The following HUNK variants were observed in gnomAD, a reference collection of about 807,000 sequenced individuals.
HUNK encodes the protein hormonally up-regulated Neu-associated kinase.
Under a neutral mutation model 61.0 loss-of-function variants are expected in HUNK, and 21 were observed. That is an observed-to-expected ratio of 0.34 (90% CI 0.24 to 0.50). The LOEUF (loss-of-function observed/expected upper bound fraction) is 0.50. Among genes scored for constraint, HUNK ranks in the 20% least tolerant of loss-of-function variants. HUNK has a pLI of 0.98. For missense variants in HUNK, 772 were observed against 945.7 expected (o/e 0.82, Z 2.41); for synonymous variants, 371 against 386.1 (o/e 0.96, Z 0.46).
chr21:31,972,580 C>T (rs1041478850), intron 6 of HUNK, among the ~76,000 whole-genome samples: 2 of 152,192 alleles, frequency 1.3e-5, no homozygotes, highest in African/African-American at 2.4e-5. Context: ...CCCATACCCT[C>T]GGCGGGTGCA....
chr21:31,910,423 T>A (rs2052537969), intron 1 of HUNK, among the ~76,000 whole-genome samples: 1 of 152,066 alleles, frequency 6.6e-6, no homozygotes, highest in South Asian at 2.1e-4. Context: ...CTTATTTCCC[T>A]GTTTAAAGGC....
rs397776522 is a variant in HUNK at position 31,999,884 on chromosome 21, T to TA, written c.*703dup. On this transcript the variant is annotated 3_prime_UTR_variant, in exon 11 of 11. Coordinates refer to ENST00000270112, the MANE Select transcript of HUNK (RefSeq NM_014586.2). ...AATTATCTTTTCCAAAGATTTTTTTTAAATGTGATGTCGGTAAATTGAAAT... is the reference window on the plus strand; with the variant it reads ...AATTATCTTTTCCAAAGATTTTTTTTAAAATGTGATGTCGGTAAATTGAAAT... The TA allele has an allele frequency of 6.4e-4, 205 of 319,054 alleles. No homozygotes were observed. The highest frequency in any genetic ancestry group is 4.2e-3 in the African/African-American group (197 of 47,080). 19.8% of individuals were successfully genotyped at this position (319,054 alleles called of 1,614,324 possible). A position where few individuals can be genotyped will look rare whatever the true frequency, so the allele number is the denominator to read the frequency against.
chr21:31,991,642 C>A (rs1417020683), intron 9 of HUNK, among the ~76,000 whole-genome samples: 1 of 152,214 alleles, frequency 6.6e-6, no homozygotes, highest in Non-Finnish European at 1.5e-5. Context: ...CTGGGCCATC[C>A]CAGGTGGCAG....
Position 31,995,779 on chromosome 21 carries a change from C to A in HUNK, c.1317C>A (p.Pro439=), listed in dbSNP as rs564859765. Residue 439 remains proline, a synonymous_variant, in exon 10 of 11, where the codon CCC becomes CCA. Transcript: ENST00000270112. ...CTTCTGATTTGTAGGATAAAAAGCCCAAAGAACAAGAAAAAAGAGGGGATT... is the reference window on the plus strand; with the variant it reads ...CTTCTGATTTGTAGGATAAAAAGCCAAAAGAACAAGAAAAAAGAGGGGATT... ...LEFHAVQDKK[P]KEQEKRGDFL... 6.2e-7 allele frequency: 1 copy of A among 1,613,726 alleles called. No individual in the cohort carries two copies. Among genetic ancestry groups the A allele is most frequent in the African/African-American group, 1.3e-5 (1 of 74,980 alleles).
intron 1 of HUNK, among the ~76,000 whole-genome samples, chr21:31,897,501 T>A (rs2052433259): frequency 6.6e-6 from 1 of 152,156 alleles, no homozygotes; most frequent in Admixed American, 6.5e-5. Context: ...CTTGTTCAAA[T>A]TTTCCATTTA....
In HUNK at chr21:31,894,912, C is replaced by G. The variant is rs553415525; in HGVS notation, c.261+20977C>G. Among the ~76,000 whole-genome samples the G allele has an allele frequency of 2.0e-5, 3 of 152,226 alleles. No homozygotes were observed. The South Asian group carries it at 6.2e-4, about 32-fold the overall frequency. Reference sequence around the variant, plus strand: ...ACAGGCTCAACAATCTGATCTGCACCCAGTAGTTAGAGCTAAGCTGTGAAT... The same window carrying G: ...ACAGGCTCAACAATCTGATCTGCACGCAGTAGTTAGAGCTAAGCTGTGAAT... On this transcript the variant is annotated intron_variant, in intron 1 of 10. Coordinates refer to ENST00000270112, the MANE Select transcript of HUNK (RefSeq NM_014586.2).
chr21:31,892,162 A>AAAT lies in HUNK; in HGVS notation c.261+18228_261+18229insATA, dbSNP rs1479271300. On this transcript the variant is annotated intron_variant, in intron 1 of 10. Coordinates refer to ENST00000270112, the MANE Select transcript of HUNK (RefSeq NM_014586.2). ...GAGAATTTGGTTAAAAAAAAAAAAA[A>AAAT]ATATATATATATATATATAGAGAGA... 2.8e-3 allele frequency among the ~76,000 whole-genome samples: 314 copies of AAAT among 113,996 alleles called. 2 individuals are homozygous for AAAT. Among genetic ancestry groups the AAAT allele is most frequent in the African/African-American group, 8.8e-3 (254 of 28,710 alleles). The allele number at this position is 113,996 out of a possible 152,430, so 74.8% of individuals were successfully genotyped here.
At chr21:31,977,880 T>C (rs971230776) in intron 7 of HUNK, among the ~76,000 whole-genome samples, 2 of 152,186 alleles carry the variant, frequency 1.3e-5, no homozygotes, top group African/African-American at 4.8e-5. Flanking sequence ...GTATTTTTTG[T>C]AGAGACGGGC....
chr21:31,878,681 A>G (rs2052284073), intron 1 of HUNK, among the ~76,000 whole-genome samples: 1 of 152,214 alleles, frequency 6.6e-6, no homozygotes, highest in Admixed American at 6.5e-5. Context: ...CGTGATACCT[A>G]CAAGAGGCAT....
intron 7 of HUNK, among the ~76,000 whole-genome samples, chr21:31,983,049 C>T (rs35045875): frequency 0.11 from 17,011 of 152,238 alleles, 1,324 homozygotes; most frequent in Non-Finnish European, 0.18. Context: ...GTGATCCACC[C>T]GCCTCGGCCT....
chr21:31,942,225 G>C (rs946824633), intron 3 of HUNK, among the ~76,000 whole-genome samples: 1 of 152,190 alleles, frequency 6.6e-6, no homozygotes, highest in Non-Finnish European at 1.5e-5. Flanking sequence ...GACTGAGGCT[G>C]GTGAGTCGTG....
chr21:31,956,702 C>T (rs997530940), intron 4 of HUNK, among the ~76,000 whole-genome samples: 4 of 152,184 alleles, frequency 2.6e-5, no homozygotes, highest in Non-Finnish European at 4.4e-5. Flanking sequence ...TTTGCCTTTC[C>T]CTTTCTGTTG....
At chr21:31,978,206 C>A (rs2053064141) in intron 7 of HUNK, among the ~76,000 whole-genome samples, 2 of 151,670 alleles carry the variant, frequency 1.3e-5, no homozygotes. Flanking sequence ...TTTAATTGAC[C>A]AAAAAAATGG....
chr21:31,912,043 A>T (rs2052549621), intron 1 of HUNK, among the ~76,000 whole-genome samples: 1 of 152,198 alleles, frequency 6.6e-6, no homozygotes, highest in African/African-American at 2.4e-5. Flanking sequence ...ATTTGGCGTC[A>T]GTTGTACGGC....
At chr21:31,902,716 C>T (rs1007085723) in intron 1 of HUNK, among the ~76,000 whole-genome samples, 1 of 152,136 alleles carries the variant, frequency 6.6e-6, no homozygotes, top group Non-Finnish European at 1.5e-5. Context: ...GTCCAAAGAG[C>T]TCATCAATTG....
rs1390332231 is a variant in HUNK, at chr21:32,003,750, T to C, written c.*4566T>C. 1 of 152,240 alleles carries C rather than the reference T, an allele frequency of 6.6e-6. No homozygotes were observed. Among genetic ancestry groups the C allele is most frequent in the Non-Finnish European group, 1.5e-5 (1 of 68,054 alleles). The allele number at this position is 152,240 out of a possible 1,614,324, so 9.4% of individuals were successfully genotyped here. A position where few individuals can be genotyped will look rare whatever the true frequency, so the allele number is the denominator to read the frequency against. On this transcript the variant is annotated 3_prime_UTR_variant, in exon 11 of 11. Coordinates refer to ENST00000270112, the MANE Select transcript of HUNK (RefSeq NM_014586.2). ...GTACTTCTTCTCTGTGGACATGTTT[T>C]TGTGACACACAGTTATCTCTAGGAG...
chr21:31,926,285 G>GTA (rs2052659242), intron 2 of HUNK, among the ~76,000 whole-genome samples: 1 of 152,076 alleles, frequency 6.6e-6, no homozygotes, highest in Non-Finnish European at 1.5e-5. Context: ...TTATGTGTGT[G>GTA]TATATATATA....
At chr21:31,978,584 G>A (rs2053068255) in intron 7 of HUNK, among the ~76,000 whole-genome samples, 1 of 152,016 alleles carries the variant, frequency 6.6e-6, no homozygotes, top group Non-Finnish European at 1.5e-5. Context: ...TACACTATTT[G>A]TCTTTCTGTG....
chr21:31,943,858 G>GT (rs2052784827), intron 3 of HUNK, among the ~76,000 whole-genome samples: 2 of 152,210 alleles, frequency 1.3e-5, no homozygotes, highest in Non-Finnish European at 2.9e-5. Flanking sequence ...ATTAGGAACA[G>GT]AGTCTTTTGC....
Sources: allele counts gnomAD v4.1 joint callset (sites outside exome capture counted in the v4.1 genomes callset), GRCh38; gene constraint gnomAD v4.1.1; transcripts MANE v1.5; gene names NCBI Gene and HGNC (gene_info 2026-07-23, HGNC 2026-07-21).